Variants in PSMB7 observed in about 807,000 individuals in gnomAD.
PSMB7 encodes proteasome 20S subunit beta 7.
Under a neutral mutation model 28.1 loss-of-function variants are expected in PSMB7, and 5 were observed. The ratio of observed to expected loss-of-function variants is 0.18; its 90% CI spans 0.09 to 0.37. The LOEUF is 0.37. Among genes scored for constraint, PSMB7 ranks in the 10% least tolerant of loss-of-function variants. The pLI is 1.00. For synonymous variants in PSMB7, 122 were observed against 123.7 expected (o/e 0.99, Z 0.09); for missense variants, 275 against 346.2 (o/e 0.79, Z 1.63).
intron 2 of PSMB7, 73 bp downstream of exon 2, chr9:124,414,769 G>T: frequency 7.8e-7 from 1 of 1,289,602 alleles, no homozygotes; most frequent in Non-Finnish European, 1.1e-6. Context: ...AGCCGGGAGA[G>T]ACACCGGAAG....
At chr9:124,369,563 T>C (rs1249343427) in intron 6 of PSMB7, among the ~76,000 whole-genome samples, 1 of 152,178 alleles carries the variant, frequency 6.6e-6, no homozygotes, top group Non-Finnish European at 1.5e-5. Context: ...TCCGGCCTTA[T>C]CTCACATTGA....
At chr9:124,361,351 C>T (rs1830464015) in intron 6 of PSMB7, among the ~76,000 whole-genome samples, 1 of 152,168 alleles carries the variant, frequency 6.6e-6, no homozygotes, top group Non-Finnish European at 1.5e-5. Context: ...GACAAATGGG[C>T]AGCACTTGTA....
chr9:124,389,451 G>A (rs958291698), intron 5 of PSMB7, among the ~76,000 whole-genome samples: 1 of 152,126 alleles, frequency 6.6e-6, no homozygotes, highest in Non-Finnish European at 1.5e-5. Context: ...GCAATTCAGT[G>A]ACCAGCACTT....
chr9:124,414,770 A>T, intron 2 of PSMB7, 72 bp downstream of exon 2: 1 of 1,296,240 alleles, frequency 7.7e-7, no homozygotes, highest in Middle Eastern at 2.4e-4. Flanking sequence ...GCCGGGAGAG[A>T]CACCGGAAGC....
intron 6 of PSMB7, among the ~76,000 whole-genome samples, chr9:124,369,954 C>T (rs927761194): frequency 1.3e-5 from 2 of 152,112 alleles, no homozygotes; most frequent in Non-Finnish European, 2.9e-5. Flanking sequence ...GCCTGTGCAC[C>T]CCTCTCTAGG....
rs1232252172 is a variant in PSMB7, at chr9:124,396,757, A to ATGC, written c.511+8557_511+8559dup. Reference sequence around the variant, plus strand: ...AACAAAAATTTTATATACCTTGCCAATGCTGCTACAAGGAACACTGCCAAG... The same window carrying ATGC: ...AACAAAAATTTTATATACCTTGCCAATGCTGCTGCTACAAGGAACACTGCCAAG... On this transcript the variant is annotated intron_variant, in intron 5 of 7. Transcript: ENST00000259457. 3 of 470,332 alleles carry ATGC rather than the reference A, an allele frequency of 6.4e-6. No homozygotes were observed. The East Asian group carries it at 2.1e-4, about 33-fold the overall frequency. The allele number at this position is 470,332 out of a possible 1,614,324, so 29.1% of individuals were successfully genotyped here. A position where few individuals can be genotyped will look rare whatever the true frequency, so the allele number is the denominator to read the frequency against.
rs1830406254 is a variant in PSMB7 at position 124,356,333 on chromosome 9, C to G, written c.722+431G>C. On this transcript the variant is annotated intron_variant, in intron 7 of 7. Coordinates refer to ENST00000259457, the MANE Select transcript of PSMB7 (RefSeq NM_002799.4). This position sits in a 1 kb window ranked among gnomAD's most constrained non-coding sequence, Gnocchi z 4.4. The stretch of plus-strand genomic sequence containing the variant: ...AGCACAGCACACACACACTAGCTCC[C>G]AAGGCCACCTCTGGGAGGCTGTTAG... Among the ~76,000 whole-genome samples the G allele has an allele frequency of 6.6e-6, 1 of 152,212 alleles. No homozygotes were observed. Among genetic ancestry groups the G allele is most frequent in the Admixed American group, 6.5e-5 (1 of 15,286 alleles).
chr9:124,400,418 T>C (rs1830890438), intron 5 of PSMB7, among the ~76,000 whole-genome samples: 1 of 152,248 alleles, frequency 6.6e-6, no homozygotes. Context: ...TAAAATGCAC[T>C]GTCCCTTTTC....
At chr9:124,392,090 T>C (rs1297562398) in intron 5 of PSMB7, among the ~76,000 whole-genome samples, 2 of 152,230 alleles carry the variant, frequency 1.3e-5, no homozygotes, top group Non-Finnish European at 2.9e-5. Context: ...ACTCAAGTAC[T>C]GGGAGTATTT....
At chr9:124,378,497 C>A (rs1830635376) in intron 6 of PSMB7, among the ~76,000 whole-genome samples, 1 of 152,148 alleles carries the variant, frequency 6.6e-6, no homozygotes, top group Admixed American at 6.5e-5. Flanking sequence ...GACAGTTTGC[C>A]TTTGAATCAT....
chr9:124,356,633 A>C lies in PSMB7; in HGVS notation c.722+131T>G. Reference sequence around the variant, plus strand: ...GTAACAAGCCGAAGGTCTGTGTGGGAGGTTGATTTGGGAACACTGGATGTA... The same window carrying C: ...GTAACAAGCCGAAGGTCTGTGTGGGCGGTTGATTTGGGAACACTGGATGTA... On this transcript the variant is annotated intron_variant, in intron 7 of 7. Coordinates refer to ENST00000259457, the MANE Select transcript of PSMB7 (RefSeq NM_002799.4). This position sits in a 1 kb window ranked among gnomAD's most constrained non-coding sequence, Gnocchi z 4.4. The C allele has an allele frequency of 9.6e-7, 1 of 1,039,814 alleles. No homozygotes were observed. Among genetic ancestry groups the C allele is most frequent in the Non-Finnish European group, 1.4e-6 (1 of 717,624 alleles). 64.4% of individuals were successfully genotyped at this position (1,039,814 alleles called of 1,614,324 possible).
intron 6 of PSMB7, among the ~76,000 whole-genome samples, chr9:124,379,038 C>CA (rs1197756143): frequency 2.0e-5 from 3 of 152,010 alleles, no homozygotes; most frequent in Admixed American, 1.3e-4. Flanking sequence ...TCATCATCAC[C>CA]AAAAAAACCT....
Position 124,405,393 on chromosome 9 carries a change from T to A in PSMB7, c.435A>T (p.Gly145=). 1.2e-6 allele frequency: 2 copies of A among 1,613,648 alleles called. No homozygotes were observed. The highest frequency in any genetic ancestry group is 1.7e-6 in the Non-Finnish European group (2 of 1,179,734). The part of the protein sequence containing the change: ...GYIGAALVLG[G]VDVTGPHLYS... ...AGAGGTGAGGTCCAGTAACATCTAC[T>A]CCCCCTAAAACTAGGGCTGCACCAA... Residue 145 remains glycine, a synonymous_variant, in exon 5 of 8, where the codon GGA becomes GGT. Coordinates refer to ENST00000259457, the MANE Select transcript of PSMB7 (RefSeq NM_002799.4).
chr9:124,397,060 T>C (rs1041410198), intron 5 of PSMB7, among the ~76,000 whole-genome samples: 3 of 152,226 alleles, frequency 2.0e-5, no homozygotes, highest in Admixed American at 6.5e-5. Flanking sequence ...CTTTTTCTTT[T>C]TGGAGAATAA....
At chr9:124,409,352 C>T (rs1427835799) in intron 4 of PSMB7, among the ~76,000 whole-genome samples, 1 of 152,198 alleles carries the variant, frequency 6.6e-6, no homozygotes, top group Non-Finnish European at 1.5e-5. Flanking sequence ...ATAAGAGTCT[C>T]TACGTATTCA....
intron 5 of PSMB7, among the ~76,000 whole-genome samples, chr9:124,385,971 C>G (rs993808965): frequency 6.6e-6 from 1 of 152,066 alleles, no homozygotes; most frequent in Non-Finnish European, 1.5e-5. Flanking sequence ...ACAGATACTC[C>G]TGTTAGGGAA....
intron 5 of PSMB7, among the ~76,000 whole-genome samples, chr9:124,385,168 G>A (rs918379640): frequency 1.5e-4 from 23 of 152,198 alleles, no homozygotes; most frequent in Admixed American, 1.4e-3. Context: ...ATAGGACTGC[G>A]AGCAGCAGCC....
chr9:124,360,293 G>A (rs561576601), intron 6 of PSMB7, among the ~76,000 whole-genome samples: 6 of 152,352 alleles, frequency 3.9e-5, no homozygotes, highest in Non-Finnish European at 5.9e-5. Context: ...CACAATAAGC[G>A]CAAGAAGCAC....
At chr9:124,374,746 C>T (rs1830592769) in intron 6 of PSMB7, among the ~76,000 whole-genome samples, 1 of 152,128 alleles carries the variant, frequency 6.6e-6, no homozygotes. Context: ...ATCCCTTGAA[C>T]CCAGGCATTC....
Sources: gnomAD v4.1 joint callset for allele counts (sites outside exome capture counted in the v4.1 genomes callset) on GRCh38, gnomAD v4.1.1 for gene constraint, Gnocchi (gnomAD v3.1) non-coding constraint, MANE v1.5 for transcripts, NCBI Gene and HGNC (gene_info 2026-07-23, HGNC 2026-07-21) for gene names.